CTIF: variants seen among roughly 807,000 people sequenced by gnomAD.
The protein encoded by CTIF is CBP80/20-dependent translation initiation factor.
A neutral mutation model predicts 66.0 loss-of-function variants in CTIF; 21 were observed. That is an observed-to-expected ratio of 0.32 (90% CI 0.23 to 0.46). The LOEUF (loss-of-function observed/expected upper bound fraction) is 0.46, where lower values mean the gene tolerates loss of function less well. CTIF is among the 20% of genes least tolerant of loss of function. CTIF has a pLI of 1.00. For missense variants in CTIF, 739 were observed against 812.7 expected, an observed-to-expected ratio of 0.91 and a Z score of 1.10; for synonymous variants, 345 against 326.4, an observed-to-expected ratio of 1.06 and a Z score of -0.62.
chr18:48,575,629 T>C (rs980258730), intron 1 of CTIF, among the ~76,000 whole-genome samples: 3 of 152,200 alleles, frequency 2.0e-5, no homozygotes, highest in Non-Finnish European at 4.4e-5. Context: ...CCTCACCCTC[T>C]GAGGGGATGG....
At chr18:48,767,853 C>G (rs757981513) in intron 9 of CTIF, among the ~76,000 whole-genome samples, 5 of 152,188 alleles carry the variant, frequency 3.3e-5, no homozygotes, top group Non-Finnish European at 7.4e-5. Flanking sequence ...TACATAGACG[C>G]TCAGTTGAGT....
At chr18:48,661,394 A>ATT (rs11370701) in intron 3 of CTIF, among the ~76,000 whole-genome samples, 15 of 150,292 alleles carry the variant, frequency 1.0e-4, no homozygotes, top group Admixed American at 2.0e-4. Flanking sequence ...TGCATGTATG[A>ATT]TTTTTTTTTA....
chr18:48,824,929 A>C (rs1378976486), intron 10 of CTIF, among the ~76,000 whole-genome samples: 3 of 152,166 alleles, frequency 2.0e-5, no homozygotes, highest in African/African-American at 7.2e-5. Context: ...GGCGTGAGCC[A>C]CTGCACCCAG....
intron 6 of CTIF, among the ~76,000 whole-genome samples, chr18:48,705,640 CA>C (rs1426616584): frequency 2.0e-5 from 3 of 152,250 alleles, no homozygotes; most frequent in African/African-American, 7.2e-5. Flanking sequence ...CTGTGGTCAG[CA>C]TCACCAGCAA....
At chr18:48,817,490 T>C in intron 10 of CTIF, 114 bp downstream of exon 10, 1 of 1,330,796 alleles carries the variant, frequency 7.5e-7, no homozygotes, top group South Asian at 1.4e-5. Flanking sequence ...AAGGGACCCA[T>C]CCGGGCCAGG....
intron 1 of CTIF, among the ~76,000 whole-genome samples, chr18:48,552,656 T>C (rs1023403139): frequency 1.3e-5 from 2 of 152,206 alleles, no homozygotes; most frequent in African/African-American, 4.8e-5. Flanking sequence ...CCCCACCTCC[T>C]AATACCATCG....
intron 1 of CTIF, among the ~76,000 whole-genome samples, chr18:48,550,308 G>A (rs1404811016): frequency 2.6e-5 from 4 of 152,266 alleles, no homozygotes; most frequent in African/African-American, 7.2e-5. Flanking sequence ...TGAGGCTCCA[G>A]TGGGTTGGTA....
intron 3 of CTIF, among the ~76,000 whole-genome samples, chr18:48,657,377 T>C: frequency 6.6e-6 from 1 of 152,242 alleles, no homozygotes; most frequent in East Asian, 1.9e-4. Context: ...TTGATTTTTT[T>C]CCCTGTTAAA....
chr18:48,816,864 G>A (rs2068374668), intron 9 of CTIF, among the ~76,000 whole-genome samples: 1 of 152,186 alleles, frequency 6.6e-6, no homozygotes, highest in Admixed American at 6.5e-5. Context: ...TTAGCCACAG[G>A]GAGTTAAGTG....
intron 9 of CTIF, among the ~76,000 whole-genome samples, chr18:48,766,193 T>C (rs760580218): frequency 6.8e-6 from 1 of 147,768 alleles, no homozygotes; most frequent in Admixed American, 6.9e-5. Context: ...GGAATGTGCA[T>C]ATGAATCACG....
intron 6 of CTIF, chr18:48,673,720 G>A (rs1484139344): frequency 6.6e-6 from 1 of 152,196 alleles, no homozygotes; most frequent in African/African-American, 2.4e-5. Context: ...TCTAGGTCAA[G>A]CTTGGCCAAC....
intron 10 of CTIF, among the ~76,000 whole-genome samples, chr18:48,845,059 T>C (rs1195092800): frequency 6.6e-6 from 1 of 151,636 alleles, no homozygotes; most frequent in Admixed American, 6.6e-5. Context: ...TGTGCCAGTG[T>C]CTTTCCCCTA....
Position 48,761,826 on chromosome 18 carries a change from A to G in CTIF, c.1371+137A>G. 2.2e-6 allele frequency: 2 copies of G among 889,880 alleles called. No homozygotes were observed. The highest frequency in any genetic ancestry group is 3.5e-4 in the Middle Eastern group (1 of 2,852). The allele number at this position is 889,880 out of a possible 1,614,324, so 55.1% of individuals were successfully genotyped here. ...TCCGCCCTTGCCCGATTAATTATAGAAAACACAAAGGCAGTTAAGGGGCCA... is the reference window on the plus strand; with the variant it reads ...TCCGCCCTTGCCCGATTAATTATAGGAAACACAAAGGCAGTTAAGGGGCCA... On this transcript the variant is annotated intron_variant, in intron 9 of 11. Coordinates refer to ENST00000256413, the MANE Select transcript of CTIF (RefSeq NM_014772.3). This position sits in a 1 kb window ranked among gnomAD's most constrained non-coding sequence, Gnocchi z 4.2.
chr18:48,547,925 C>T (rs995016615), intron 1 of CTIF, among the ~76,000 whole-genome samples: 5 of 152,158 alleles, frequency 3.3e-5, no homozygotes, highest in East Asian at 1.9e-4. Context: ...CTTCCTCCGA[C>T]GCCCAGAATA....
chr18:48,684,617 A>G (rs55985802), intron 6 of CTIF, among the ~76,000 whole-genome samples: 15,628 of 152,190 alleles, frequency 0.1, 2,096 homozygotes, highest in African/African-American at 0.31. Context: ...GTTTAATCAG[A>G]TGATTACTTC....
At chr18:48,645,477 G>C (rs2091013365) in intron 3 of CTIF, among the ~76,000 whole-genome samples, 1 of 152,102 alleles carries the variant, frequency 6.6e-6, no homozygotes, top group South Asian at 2.1e-4. Flanking sequence ...CCAAGACCAA[G>C]TGGGAGCTCA....
At chr18:48,801,729 G>A (rs917538843) in intron 9 of CTIF, among the ~76,000 whole-genome samples, 2 of 152,202 alleles carry the variant, frequency 1.3e-5, no homozygotes, top group Admixed American at 6.5e-5. Flanking sequence ...TGAAAGTAGG[G>A]TTTCAAAAGT....
intron 7 of CTIF, among the ~76,000 whole-genome samples, chr18:48,735,671 A>G (rs2092494951): frequency 1.3e-5 from 2 of 152,188 alleles, no homozygotes; most frequent in Admixed American, 6.5e-5. Flanking sequence ...TGAGTCCCAG[A>G]GCCCAGTTCC....
chr18:48,600,130 G>T (rs2090064086), intron 1 of CTIF, among the ~76,000 whole-genome samples: 2 of 152,182 alleles, frequency 1.3e-5, no homozygotes, highest in African/African-American at 4.8e-5. Context: ...AATCAAACCT[G>T]AGTGTGTGCA....
Sources: allele counts gnomAD v4.1 joint callset (sites outside exome capture counted in the v4.1 genomes callset), GRCh38; gene constraint gnomAD v4.1.1; non-coding constraint Gnocchi (gnomAD v3.1); transcripts MANE v1.5; gene names NCBI Gene and HGNC (gene_info 2026-07-23, HGNC 2026-07-21).